PAPLN: variants seen among roughly 807,000 people sequenced by gnomAD.
PAPLN encodes the protein papilin.
In PAPLN, 146 loss-of-function variants were observed where a neutral mutation model predicts 159.0. The observed-to-expected ratio is 0.92, with a 90% CI of 0.80 to 1.05. PAPLN has a LOEUF of 1.05. Ranked by LOEUF, PAPLN falls within the 50% of genes least tolerant of loss-of-function variation. PAPLN has a pLI of 0.00. For synonymous variants in PAPLN, 734 were observed against 702.9 expected (o/e 1.04, Z -0.70); for missense variants, 1,720 against 1,743.9 (o/e 0.99, Z 0.24).
At chr14:73,251,372 T>TCTTGTGTACCCTCCCTGCCC (rs1239047346) in intron 7 of PAPLN, 114 bp from the exon 8 acceptor site, 2 of 1,156,320 alleles carry the variant, frequency 1.7e-6, no homozygotes, top group East Asian at 5.1e-5. Context: ...CCTGTCTGGC[T>TCTTGTGTACCCTCCCTGCCC]CTTGTGTACC....
rs566518338 is a variant in PAPLN at position 73,239,762 on chromosome 14, G to A, written c.-6-11G>A. The stretch of plus-strand genomic sequence containing the variant: ...GCCCCGGGCCGCTCTAACCCAATGC[G>A]TCTCCCGCAGGCTGAGATGCGGCTG... On this transcript the variant is annotated splice_polypyrimidine_tract_variant and intron_variant, in intron 1 of 26. Transcript: ENST00000644200. 2.5e-6 allele frequency: 4 copies of A among 1,584,702 alleles called. No homozygotes were observed. Among genetic ancestry groups the A allele is most frequent in the Non-Finnish European group, 3.4e-6 (4 of 1,172,166 alleles).
intron 5 of PAPLN, 132 bp from the exon 6 acceptor site, chr14:73,249,852 G>T: frequency 1.0e-6 from 1 of 998,152 alleles, no homozygotes; most frequent in South Asian, 2.2e-5. Flanking sequence ...GATGGGGCGG[G>T]GATCTGTGCT....
rs1162841843 is a variant in PAPLN at position 73,268,689 on chromosome 14, C to T, written c.3633C>T (p.Val1211=). 6.2e-7 allele frequency: 1 copy of T among 1,613,360 alleles called. No homozygotes were observed. The highest frequency in any genetic ancestry group is 1.1e-5 in the South Asian group (1 of 90,982). The change falls in exon 26 of 27, where the codon GTC becomes GTT. Residue 1211 remains valine, a synonymous_variant. Coordinates refer to ENST00000644200, the MANE Select transcript of PAPLN (RefSeq NM_001365906.3). ...TCSAYQGSQA[V]SRSTEVKVVS... ...GTGCCTACCAGGGGAGCCAGGCAGT[C>T]AGCCGCAGCACCGAGGTGAAGGTGG... is the stretch of plus-strand genomic sequence containing the variant.
rs1883339266 is a variant in PAPLN, at chr14:73,239,825, G to GGTCCTCGGTGA, written c.50_54+6dup. 6.3e-7 allele frequency: 1 copy of GGTCCTCGGTGA among 1,590,318 alleles called. No homozygotes were observed. Among genetic ancestry groups the GGTCCTCGGTGA allele is most frequent in the Non-Finnish European group, 8.5e-7 (1 of 1,174,246 alleles). On this transcript the variant is annotated frameshift_variant, in exon 2 of 27. Coordinates refer to ENST00000644200, the MANE Select transcript of PAPLN (RefSeq NM_001365906.3). LOFTEE classifies it high-confidence loss of function. ...CCGCTGCTGCTGGCTCCAGCGCCCGGGTCCTCGGTGAGTGCGGTCCTGCCC... is the reference window on the plus strand; with the variant it reads ...CCGCTGCTGCTGGCTCCAGCGCCCGGGTCCTCGGTGAGTCCTCGGTGAGTGCGGTCCTGCCC...
At position 73,268,503 on chromosome 14, in the gene PAPLN, C is replaced by T. The variant is rs949011369; in HGVS notation, c.3501-54C>T. The T allele has an allele frequency of 4.9e-5, 76 of 1,549,180 alleles. No individual in the cohort carries two copies. In the South Asian group the frequency reaches 8.2e-4, roughly 17 times the overall value. On this transcript the variant is annotated intron_variant, in intron 25 of 26. Coordinates refer to ENST00000644200, the MANE Select transcript of PAPLN (RefSeq NM_001365906.3). The stretch of plus-strand genomic sequence containing the variant: ...GCCTTTGATTACCTCTTCCCTCTGT[C>T]TCCCAGACCTCCAGAGGCCCTTGAT...
In PAPLN at chr14:73,246,106, G is replaced by A. The variant is rs939380153; in HGVS notation, c.265G>A (p.Glu89Lys). ...CGACGGCGCCCGGGACTTCCGGGCC[G>A]AGCAGTGCGCGGAGTTCGACGGAGC... ...CPDGARDFRA[E>K]QCAEFDGAEF... The change falls in exon 5 of 27, where the codon GAG becomes AAG. Residue 89 changes from glutamate to lysine, a missense_variant. Coordinates refer to ENST00000644200, the MANE Select transcript of PAPLN (RefSeq NM_001365906.3). 2.5e-6 allele frequency: 4 copies of A among 1,586,920 alleles called. No homozygotes were observed. The highest frequency in any genetic ancestry group is 2.6e-6 in the Non-Finnish European group (3 of 1,169,032).
At position 73,272,916 on chromosome 14, in the gene PAPLN, G is replaced by C. The variant is rs887610696; in HGVS notation, c.*252G>C. 1.9e-5 allele frequency: 7 copies of C among 360,550 alleles called. No homozygotes were observed. Among genetic ancestry groups the C allele is most frequent in the Non-Finnish European group, 9.9e-6 (2 of 202,692 alleles). 22.3% of individuals were successfully genotyped at this position (360,550 alleles called of 1,614,324 possible). A position where few individuals can be genotyped will look rare whatever the true frequency, so the allele number is the denominator to read the frequency against. ...GTTTTCAAGAAGAGCAATCTGTTTGGATAAGAAAAACCTTTACTTTACAGC... is the reference window on the plus strand; with the variant it reads ...GTTTTCAAGAAGAGCAATCTGTTTGCATAAGAAAAACCTTTACTTTACAGC... On this transcript the variant is annotated 3_prime_UTR_variant, in exon 27 of 27. Coordinates refer to ENST00000644200, the MANE Select transcript of PAPLN (RefSeq NM_001365906.3).
At position 73,266,432 on chromosome 14, in the gene PAPLN, C is replaced by T. The variant is rs1046062695; in HGVS notation, c.3264-69C>T. ...TGTGTTCCCTCCCTGACCCCATGCTCGAGGGACGGAGCTGGAGGAGAGGGG... is the reference window on the plus strand; with the variant it reads ...TGTGTTCCCTCCCTGACCCCATGCTTGAGGGACGGAGCTGGAGGAGAGGGG... On this transcript the variant is annotated intron_variant, in intron 23 of 26. Transcript: ENST00000644200. 5.2e-5 allele frequency: 81 copies of T among 1,571,156 alleles called. No homozygotes were observed. In the African/African-American group the frequency reaches 6.1e-4, roughly 12 times the overall value.
chr14:73,257,385 C>T (rs1163284216), intron 14 of PAPLN, among the ~76,000 whole-genome samples: 1 of 139,318 alleles, frequency 7.2e-6, no homozygotes, highest in Non-Finnish European at 1.5e-5. Context: ...GCACTCAGAG[C>T]AACTTTCACT....
chr14:73,271,097 C>T (rs1012292355), intron 26 of PAPLN, among the ~76,000 whole-genome samples: 6 of 152,134 alleles, frequency 3.9e-5, no homozygotes, highest in African/African-American at 1.2e-4. Context: ...CCAGAGTTAC[C>T]CAGCTGGCAA....
chr14:73,260,257 C>T (rs781203361), intron 16 of PAPLN, among the ~76,000 whole-genome samples: 32 of 152,132 alleles, frequency 2.1e-4, no homozygotes, highest in Admixed American at 7.9e-4. Context: ...GAGAGGGCGC[C>T]GGGCACCCTC....
rs766323125 is a variant in PAPLN at position 73,253,227 on chromosome 14, G to C, written c.1094+452G>C. 7 of 1,358,734 alleles carry C rather than the reference G, an allele frequency of 5.2e-6. No homozygotes were observed. The South Asian group carries it at 5.7e-5, about 11-fold the overall frequency. The allele number at this position is 1,358,734 out of a possible 1,614,324, so 84.2% of individuals were successfully genotyped here. The stretch of plus-strand genomic sequence containing the variant: ...GGGCCCAGCGAGTGTGTGGGAACAG[G>C]TAACCTGCAGGTCACAGGCTCCCCG... On this transcript the variant is annotated intron_variant, in intron 11 of 26. Coordinates refer to ENST00000644200, the MANE Select transcript of PAPLN (RefSeq NM_001365906.3).
Position 73,272,799 on chromosome 14 carries a change from C to A in PAPLN, c.*135C>A. The A allele has an allele frequency of 1.0e-6, 1 of 997,168 alleles. No homozygotes were observed. Among genetic ancestry groups the A allele is most frequent in the East Asian group, 2.9e-5 (1 of 34,538 alleles). The allele number at this position is 997,168 out of a possible 1,614,324, so 61.8% of individuals were successfully genotyped here. A position where few individuals can be genotyped will look rare whatever the true frequency, so the allele number is the denominator to read the frequency against. ...GAATACATTAGCTCTTTCAAAAACC[C>A]ACCCAGTGTTTAGCCTCAACGGCAG... is the stretch of plus-strand genomic sequence containing the variant. On this transcript the variant is annotated 3_prime_UTR_variant, in exon 27 of 27. Transcript: ENST00000644200.
intron 5 of PAPLN, among the ~76,000 whole-genome samples, chr14:73,248,780 C>G (rs180879915): frequency 1.3e-5 from 2 of 151,966 alleles, no homozygotes; most frequent in Non-Finnish European, 2.9e-5. Flanking sequence ...CAAGATCACA[C>G]CACTGCACTC....
intron 13 of PAPLN, 72 bp from the exon 14 acceptor site, chr14:73,254,805 C>T: frequency 3.1e-6 from 5 of 1,594,662 alleles, no homozygotes; most frequent in Non-Finnish European, 4.3e-6. Flanking sequence ...CCTTCCCCTG[C>T]CTCTCTCCAT....
intron 25 of PAPLN, 138 bp from the exon 26 acceptor site, chr14:73,268,419 T>C: frequency 1.1e-6 from 1 of 872,766 alleles, no homozygotes; most frequent in East Asian, 2.8e-5. Flanking sequence ...TCATTCTTGA[T>C]TTCTCCCTGT....
In PAPLN at chr14:73,272,691, C is replaced by G. The variant is rs1267456815; in HGVS notation, c.*27C>G. 1 of 1,518,776 alleles carries G rather than the reference C, an allele frequency of 6.6e-7. No individual in the cohort carries two copies. The highest frequency in any genetic ancestry group is 8.9e-7 in the Non-Finnish European group (1 of 1,119,268). 94.1% of individuals were successfully genotyped at this position (1,518,776 alleles called of 1,614,324 possible). ...GATGAAGGCTAGTTCCAGCCCCAGT[C>G]CAAAATAGTTCATAGGGCTAGGGAG... On this transcript the variant is annotated 3_prime_UTR_variant, in exon 27 of 27. Coordinates refer to ENST00000644200, the MANE Select transcript of PAPLN (RefSeq NM_001365906.3).
chr14:73,250,099 G>C lies in PAPLN; in HGVS notation c.450G>C (p.Val150=), dbSNP rs376065090. The C allele has an allele frequency of 1.1e-5, 17 of 1,610,250 alleles. No homozygotes were observed. The highest frequency in any genetic ancestry group is 1.7e-5 in the Admixed American group (1 of 59,504). The part of the protein sequence containing the change: ...PCEPGKRDVC[V]DGSCRVVGCD... ...AGCCTGGCAAGAGGGATGTCTGTGT[G>C]GATGGCAGCTGCCGGGTGAGTGGTG... The change falls in exon 6 of 27, where the codon GTG becomes GTC. Residue 150 remains valine, a synonymous_variant. Coordinates refer to ENST00000644200, the MANE Select transcript of PAPLN (RefSeq NM_001365906.3).
rs1248044297 is a variant in PAPLN, at chr14:73,262,847, G to A, written c.2723+20G>A. The A allele has an allele frequency of 2.1e-6, 3 of 1,446,598 alleles. No individual in the cohort carries two copies. Among genetic ancestry groups the A allele is most frequent in the Non-Finnish European group, 2.7e-6 (3 of 1,099,856 alleles). 89.6% of individuals were successfully genotyped at this position (1,446,598 alleles called of 1,614,324 possible). ...CTACAGGTGAGGCCCACCTTCCCCA[G>A]GTGAGGGGGTTAGGACGCCCAGACA... is the stretch of plus-strand genomic sequence containing the variant. On this transcript the variant is annotated intron_variant, in intron 19 of 26. Transcript: ENST00000644200.
Sources: gnomAD v4.1 joint callset for allele counts (sites outside exome capture counted in the v4.1 genomes callset) on GRCh38, gnomAD v4.1.1 for gene constraint, MANE v1.5 for transcripts, NCBI Gene and HGNC (gene_info 2026-07-23, HGNC 2026-07-21) for gene names.